CDKAL1: variants seen among roughly 807,000 people sequenced by gnomAD.
The protein encoded by CDKAL1 is threonylcarbamoyladenosine tRNA methylthiotransferase.
CDKAL1 carries 32 observed loss-of-function variants against 68.2 expected under a neutral mutation model. That is an observed-to-expected ratio of 0.47 (90% CI 0.35 to 0.63). CDKAL1 has a LOEUF of 0.63. Ranked by LOEUF, CDKAL1 falls within the 30% of genes least tolerant of loss-of-function variation. CDKAL1 has a pLI of 0.00. For synonymous variants in CDKAL1, 234 were observed against 244.3 expected (o/e 0.96, Z 0.39); for missense variants, 606 against 696.7 (o/e 0.87, Z 1.47).
intron 9 of CDKAL1, among the ~76,000 whole-genome samples, chr6:20,883,153 T>C (rs1290946961): frequency 6.6e-6 from 1 of 152,200 alleles, no homozygotes; most frequent in East Asian, 1.9e-4. Flanking sequence ...GGCCCACCTA[T>C]AATTCTTCCA....
At position 20,739,566 on chromosome 6, in the gene CDKAL1, C is replaced by T. The variant is rs1033857361; in HGVS notation, c.419C>T (p.Pro140Leu). 6.2e-7 allele frequency: 1 copy of T among 1,613,324 alleles called. No individual in the cohort carries two copies. The highest frequency in any genetic ancestry group is 8.5e-7 in the Non-Finnish European group (1 of 1,179,626). The change falls in exon 6 of 16, where the codon CCT (proline) becomes CTT (leucine). Residue 140 changes from proline (P) to leucine (L), a missense_variant. Coordinates refer to ENST00000274695, the MANE Select transcript of CDKAL1 (RefSeq NM_017774.3). ...AAAATCGTACTGGCTGGATGCGTTC[C>T]TCAAGCCCAGCCTCGCCAGGACTAC... ...NKKIVLAGCV[P>L]QAQPRQDYLK...
chr6:20,783,459 A>G (rs1485985214), intron 8 of CDKAL1, among the ~76,000 whole-genome samples: 1 of 152,142 alleles, frequency 6.6e-6, no homozygotes, highest in Non-Finnish European at 1.5e-5. Flanking sequence ...TTCACACCCC[A>G]GTATTCAGTC....
At position 20,659,820 on chromosome 6, in the gene CDKAL1, T is replaced by TGGTCATCAGGAAATTGC. The variant is rs1769203069; in HGVS notation, c.371+10444_371+10460dup. 2.6e-5 allele frequency among the ~76,000 whole-genome samples: 4 copies of TGGTCATCAGGAAATTGC among 152,276 alleles called. No homozygotes were observed. In the South Asian group the frequency reaches 8.3e-4, roughly 32 times the overall value. ...TAGTATTGCCCATCTTCTTTGATTG[T>TGGTCATCAGGAAATTGC]GGTCATCAGGAAATTGCATTATCAT... On this transcript the variant is annotated intron_variant, in intron 5 of 15. Coordinates refer to ENST00000274695, the MANE Select transcript of CDKAL1 (RefSeq NM_017774.3).
chr6:20,945,695 C>T (rs759975295), intron 9 of CDKAL1, among the ~76,000 whole-genome samples: 1 of 152,076 alleles, frequency 6.6e-6, no homozygotes, highest in African/African-American at 2.4e-5. Context: ...ATTTAGACTC[C>T]GTTGGATGGA....
intron 12 of CDKAL1, among the ~76,000 whole-genome samples, chr6:21,071,299 A>T (rs761881480): frequency 1.1e-4 from 17 of 152,090 alleles, no homozygotes; most frequent in Non-Finnish European, 2.4e-4. Flanking sequence ...GAGTTCTCAC[A>T]AGATCTGATG....
intron 10 of CDKAL1, among the ~76,000 whole-genome samples, chr6:20,976,291 T>G (rs1765842617): frequency 6.6e-6 from 1 of 152,196 alleles, no homozygotes. Flanking sequence ...CATTTATGAT[T>G]AAATATTATT....
intron 4 of CDKAL1, among the ~76,000 whole-genome samples, chr6:20,586,992 T>TC (rs1765391246): frequency 6.9e-6 from 1 of 144,134 alleles, no homozygotes; most frequent in South Asian, 2.3e-4. Context: ...TTTTTTTTTT[T>TC]TTTTTTTTTT....
intron 5 of CDKAL1, among the ~76,000 whole-genome samples, chr6:20,651,892 G>A (rs375115570): frequency 6.6e-6 from 1 of 152,186 alleles, no homozygotes. Context: ...CGCATCCAGG[G>A]ATGAAGCCCA....
In CDKAL1 at chr6:21,028,557, G is replaced by A. The variant is rs551961026; in HGVS notation, c.1055+28185G>A. Among the ~76,000 whole-genome samples the A allele has an allele frequency of 1.2e-4, 18 of 152,132 alleles. No individual in the cohort carries two copies. The South Asian group carries it at 3.7e-3, about 32-fold the overall frequency. ...TGTGACATGGGGAGAGAGAGCTCTG[G>A]TGTCTCTTCCTTTCCCTATAAGGAC... On this transcript the variant is annotated intron_variant, in intron 11 of 15. Transcript: ENST00000274695.
intron 7 of CDKAL1, among the ~76,000 whole-genome samples, chr6:20,764,771 C>G (rs1774620658): frequency 6.6e-6 from 1 of 152,092 alleles, no homozygotes; most frequent in African/African-American, 2.4e-5. Context: ...ACCACAAAAG[C>G]ACATCTGCTT....
At chr6:20,909,185 A>ATG (rs57042223) in intron 9 of CDKAL1, among the ~76,000 whole-genome samples, 2,315 of 119,270 alleles carry the variant, frequency 0.019, 38 homozygotes, top group African/African-American at 0.05. Context: ...GTGTGCATGT[A>ATG]TGTGTGTGTG....
intron 5 of CDKAL1, among the ~76,000 whole-genome samples, chr6:20,649,790 C>A (rs1272346772): frequency 6.6e-6 from 1 of 152,190 alleles, no homozygotes; most frequent in African/African-American, 2.4e-5. Flanking sequence ...CATTGTTCAG[C>A]TCCCACTTGT....
intron 5 of CDKAL1, among the ~76,000 whole-genome samples, chr6:20,672,463 A>T (rs911684278): frequency 5.3e-5 from 8 of 151,380 alleles, no homozygotes; most frequent in African/African-American, 1.9e-4. Context: ...CAAGCGATTC[A>T]TGTGCCTCAG....
rs555011554 is a variant in CDKAL1, at chr6:20,738,461, T to C, written c.372-1058T>C. On this transcript the variant is annotated intron_variant, in intron 5 of 15. Transcript: ENST00000274695. ...AAAAAATAGCCATATATGTATACTT[T>C]TGAGCCAGCATTTCTACTTCTTAGT... 2.0e-4 allele frequency among the ~76,000 whole-genome samples: 30 copies of C among 151,940 alleles called. 1 individual carries two copies. The South Asian group carries it at 6.0e-3, about 31-fold the overall frequency.
At chr6:20,794,063 T>G (rs1224806569) in intron 8 of CDKAL1, among the ~76,000 whole-genome samples, 3 of 151,800 alleles carry the variant, frequency 2.0e-5, no homozygotes, top group Non-Finnish European at 4.4e-5. Context: ...ACGGCTTTAA[T>G]TGACTGATCT....
At chr6:20,683,119 G>C (rs1281067632) in intron 5 of CDKAL1, among the ~76,000 whole-genome samples, 1 of 151,822 alleles carries the variant, frequency 6.6e-6, no homozygotes, top group African/African-American at 2.4e-5. Context: ...CACACACTGT[G>C]CCTGTCTTAT....
At chr6:20,701,543 C>G (rs1244983201) in intron 5 of CDKAL1, among the ~76,000 whole-genome samples, 1 of 152,148 alleles carries the variant, frequency 6.6e-6, no homozygotes, top group Non-Finnish European at 1.5e-5. Context: ...TGGAGACATG[C>G]AGAGAGAAGA....
intron 10 of CDKAL1, among the ~76,000 whole-genome samples, chr6:20,979,951 T>C (rs1766030408): frequency 6.6e-6 from 1 of 151,610 alleles, no homozygotes. Flanking sequence ...TTTGTATTTT[T>C]AGTAGAGATG....
At chr6:20,645,110 A>G (rs1420994722) in intron 4 of CDKAL1, among the ~76,000 whole-genome samples, 3 of 152,174 alleles carry the variant, frequency 2.0e-5, no homozygotes, top group Non-Finnish European at 4.4e-5. Flanking sequence ...CCTGTCTAAG[A>G]CACTTACTAT....
Sources: gnomAD v4.1 joint callset for allele counts (sites outside exome capture counted in the v4.1 genomes callset) on GRCh38, gnomAD v4.1.1 for gene constraint, MANE v1.5 for transcripts, NCBI Gene and HGNC (gene_info 2026-07-23, HGNC 2026-07-21) for gene names.